The following THADA variants were observed in gnomAD, a reference collection of about 807,000 sequenced individuals.
THADA encodes THADA armadillo repeat containing.
A neutral mutation model predicts 219.8 loss-of-function variants in THADA; 213 were observed. That is an observed-to-expected ratio of 0.97 (90% confidence interval 0.87 to 1.09). The LOEUF (loss-of-function observed/expected upper bound fraction) is 1.09. Ranked by LOEUF, THADA falls within the 50% of genes least tolerant of loss-of-function variation. The probability of loss-of-function intolerance (pLI) is 0.00; values close to 1 mark genes in which losing one functional copy is unlikely to be tolerated. For missense variants in THADA, 2,956 were observed against 2,311.3 expected, an observed-to-expected ratio of 1.28 and a Z score of -5.72; for synonymous variants, 1,018 against 828.9, an observed-to-expected ratio of 1.23 and a Z score of -3.92.
At position 43,504,044 on chromosome 2, in the gene THADA, C is replaced by T. The variant is rs114753805; in HGVS notation, c.3621+1578G>A. ...TTCAGATTAGAGATGCTGACCTGTT[C>T]AGTATAATGCAAATATGCCAAAATA... On this transcript the variant is annotated intron_variant, in intron 24 of 37. Coordinates refer to ENST00000405975, the MANE Select transcript of THADA (RefSeq NM_022065.5). 8.0e-3 allele frequency among the ~76,000 whole-genome samples: 1,209 copies of T among 151,678 alleles called. 16 individuals carry two copies. The highest frequency in any genetic ancestry group is 0.026 in the African/African-American group (1,088 of 41,348).
intron 36 of THADA, among the ~76,000 whole-genome samples, chr2:43,248,188 G>T (rs201160602): frequency 3.4e-4 from 43 of 127,826 alleles, no homozygotes; most frequent in African/African-American, 4.2e-4. Flanking sequence ...GAGAGAGAGA[G>T]AGAGAGAGAG....
chr2:43,231,080 C>T lies in THADA; in HGVS notation c.5730G>A (p.Arg1910=). The T allele has an allele frequency of 6.2e-7, 1 of 1,613,988 alleles. No individual in the cohort carries two copies. Among genetic ancestry groups the T allele is most frequent in the East Asian group, 2.2e-5 (1 of 44,874 alleles). ...EFTRLRIQEE[R]TLACLRLLAF... is the part of the protein sequence containing the mutation. ...CCAGCAGCCTCAAGCAAGCCAAAGT[C>T]CTTTCCTCTTGAATGCGTAGTCTTG... is the stretch of plus-strand genomic sequence containing the variant. The change falls in exon 38 of 38, where the codon AGG becomes AGA. Residue 1910 remains arginine, a synonymous_variant. Coordinates refer to ENST00000405975, the MANE Select transcript of THADA (RefSeq NM_022065.5).
At position 43,432,637 on chromosome 2, in the gene THADA, G is replaced by C. The variant is rs548523905; in HGVS notation, c.3837-2335C>G. ...ATTATACCATTTTACACTCCCAACA[G>C]TAAGGTAGATTTCTGATGGAGATTT... On this transcript the variant is annotated intron_variant, in intron 26 of 37. Transcript: ENST00000405975. Among the ~76,000 whole-genome samples, 182 of 152,228 alleles carry C rather than the reference G, an allele frequency of 1.2e-3. 1 individual carries two copies. Among genetic ancestry groups the C allele is most frequent in the African/African-American group, 4.2e-3 (174 of 41,526 alleles).
intron 26 of THADA, among the ~76,000 whole-genome samples, chr2:43,472,068 T>A (rs1684969133): frequency 6.6e-6 from 1 of 152,126 alleles, no homozygotes; most frequent in South Asian, 2.1e-4. Flanking sequence ...ACCGTTAAAC[T>A]TCGATTTAAC....
chr2:43,306,019 C>T (rs1676820730), intron 31 of THADA, among the ~76,000 whole-genome samples: 1 of 132,512 alleles, frequency 7.5e-6, no homozygotes, highest in African/African-American at 2.7e-5. Flanking sequence ...CAGGGTCTTA[C>T]TCTTGTTACC....
intron 31 of THADA, among the ~76,000 whole-genome samples, chr2:43,310,731 T>C (rs1323738447): frequency 6.6e-6 from 1 of 152,158 alleles, no homozygotes; most frequent in African/African-American, 2.4e-5. Context: ...ACAGATACAA[T>C]GGACTTCAAA....
At chr2:43,320,869 G>T (rs1157222708) in intron 30 of THADA, among the ~76,000 whole-genome samples, 1 of 152,158 alleles carries the variant, frequency 6.6e-6, no homozygotes, top group African/African-American at 2.4e-5. Context: ...GAAGGGGTGG[G>T]GAGATGGTAC....
intron 22 of THADA, among the ~76,000 whole-genome samples, chr2:43,517,644 T>C (rs1022326475): frequency 2.0e-5 from 3 of 152,144 alleles, no homozygotes; most frequent in East Asian, 3.9e-4. Context: ...CATTTTTTCA[T>C]CCAGTCCCCT....
intron 29 of THADA, among the ~76,000 whole-genome samples, chr2:43,379,306 TAA>T (rs921205307): frequency 4.6e-5 from 7 of 151,746 alleles, no homozygotes; most frequent in African/African-American, 1.5e-4. Context: ...AAGAGCGAGT[TAA>T]AAAAACACAC....
chr2:43,494,297 T>TG lies in THADA; in HGVS notation c.3744+4535dup, dbSNP rs1483396339. On this transcript the variant is annotated intron_variant, in intron 25 of 37. Transcript: ENST00000405975. ...ATTTTCTGCAAGGTTAAGGTTCCCT[T>TG]GGTAATATCATTCATCTTTCCTTGC... 3.9e-5 allele frequency among the ~76,000 whole-genome samples: 6 copies of TG among 152,336 alleles called. No individual in the cohort carries two copies. In the East Asian group the frequency reaches 1.2e-3, roughly 29 times the overall value.
chr2:43,583,380 A>C (rs895802159), intron 7 of THADA, among the ~76,000 whole-genome samples: 3 of 152,098 alleles, frequency 2.0e-5, no homozygotes, highest in Non-Finnish European at 4.4e-5. Flanking sequence ...AGCCACTCTC[A>C]TCTCTCCCTT....
At chr2:43,534,747 T>C (rs1574125075) in intron 21 of THADA, among the ~76,000 whole-genome samples, 1 of 152,184 alleles carries the variant, frequency 6.6e-6, no homozygotes, top group African/African-American at 2.4e-5. Flanking sequence ...TTACGTACCT[T>C]GTGTATTTTG....
At chr2:43,305,370 G>C (rs955874196) in intron 31 of THADA, among the ~76,000 whole-genome samples, 2 of 152,072 alleles carry the variant, frequency 1.3e-5, no homozygotes, top group East Asian at 3.9e-4. Flanking sequence ...CCTGGTGGAG[G>C]GATTTGGAAA....
chr2:43,366,484 A>T (rs1417094226), intron 29 of THADA, among the ~76,000 whole-genome samples: 1 of 152,220 alleles, frequency 6.6e-6, no homozygotes, highest in Admixed American at 6.5e-5. Flanking sequence ...ATTCAGTGAA[A>T]AAAGCAGAAT....
intron 31 of THADA, among the ~76,000 whole-genome samples, chr2:43,306,165 C>G (rs367910952): frequency 6.6e-6 from 1 of 152,212 alleles, no homozygotes; most frequent in Admixed American, 6.5e-5. Context: ...CACGAGCCCC[C>G]ATGCCTGGCT....
intron 28 of THADA, among the ~76,000 whole-genome samples, chr2:43,406,426 C>T (rs1386391606): frequency 1.3e-5 from 2 of 152,182 alleles, no homozygotes; most frequent in Non-Finnish European, 2.9e-5. Context: ...AATTACATTT[C>T]ATTTGAAATT....
chr2:43,286,654 G>A (rs920834012), intron 35 of THADA, among the ~76,000 whole-genome samples: 1 of 152,020 alleles, frequency 6.6e-6, no homozygotes, highest in African/African-American at 2.4e-5. Flanking sequence ...GAAACCAGGA[G>A]GTGGAGGTTG....
intron 36 of THADA, 146 bp downstream of exon 36, chr2:43,279,619 T>C: frequency 1.9e-6 from 2 of 1,030,262 alleles, no homozygotes; most frequent in African/African-American, 1.7e-5. Flanking sequence ...TACCTACTGT[T>C]TGTGGCTTTC....
At chr2:43,454,797 T>C (rs1431317194) in intron 26 of THADA, among the ~76,000 whole-genome samples, 1 of 152,206 alleles carries the variant, frequency 6.6e-6, no homozygotes, top group Non-Finnish European at 1.5e-5. Context: ...CTATTTTAGC[T>C]CCAAGTGTGA....
Sources: allele counts gnomAD v4.1 joint callset (sites outside exome capture counted in the v4.1 genomes callset), GRCh38; gene constraint gnomAD v4.1.1; transcripts MANE v1.5; gene names NCBI Gene and HGNC (gene_info 2026-07-23, HGNC 2026-07-21).